STPG2: variants seen among roughly 807,000 people sequenced by gnomAD.
STPG2 encodes sperm tail PG-rich repeat containing 2.
Under a neutral mutation model 54.2 loss-of-function variants are expected in STPG2, and 56 were observed. That is an observed-to-expected ratio of 1.03 (90% CI 0.83 to 1.29). The LOEUF is 1.29. Ranked by LOEUF, STPG2 falls within the 50% of genes most tolerant of loss-of-function variation. The pLI is 0.00. For synonymous variants in STPG2, 200 were observed against 181.8 expected (o/e 1.10, Z -0.81); for missense variants, 596 against 544.9 (o/e 1.09, Z -0.93).
At chr4:97,447,480 G>T (rs532184047) in intron 4 of STPG2, among the ~76,000 whole-genome samples, 119 of 152,322 alleles carry the variant, frequency 7.8e-4, no homozygotes, top group African/African-American at 2.2e-3. Context: ...AGGGAAAAAT[G>T]GTTCTGTGGG....
chr4:97,500,050 A>G (rs1180405415), intron 4 of STPG2, among the ~76,000 whole-genome samples: 1 of 152,008 alleles, frequency 6.6e-6, no homozygotes, highest in Non-Finnish European at 1.5e-5. Flanking sequence ...GGCCATTCTG[A>G]CTATGGTCTC....
rs78973765 is a variant in STPG2, at chr4:97,503,494, G to A, written c.462+209205C>T. On this transcript the variant is annotated intron_variant, in intron 4 of 4. Transcript: ENST00000522676. ...AATATTCTAGTGTATTTCCTTATATGTGTTTAGTATTTTTTTTTTCTTGAC... is the reference window on the plus strand; with the variant it reads ...AATATTCTAGTGTATTTCCTTATATATGTTTAGTATTTTTTTTTTCTTGAC... Among the ~76,000 whole-genome samples the A allele has an allele frequency of 5.3e-3, 797 of 151,422 alleles. 6 individuals are homozygous for A. The highest frequency in any genetic ancestry group is 0.018 in the African/African-American group (757 of 41,268).
chr4:97,467,574 T>G lies in STPG2; in HGVS notation c.462+245125A>C, dbSNP rs1421539499. Among the ~76,000 whole-genome samples, 4 of 151,926 alleles carry G rather than the reference T, an allele frequency of 2.6e-5. No individual in the cohort carries two copies. The South Asian group carries it at 8.3e-4, about 31-fold the overall frequency. On this transcript the variant is annotated intron_variant, in intron 4 of 4. Transcript: ENST00000522676. The stretch of plus-strand genomic sequence containing the variant: ...TATGAACCACAAGGCACATTAATAA[T>G]AAAGTGATTCATAAAGCCTATTAAA...
intron 10 of STPG2, among the ~76,000 whole-genome samples, chr4:97,691,142 A>G (rs1267250542): frequency 2.0e-5 from 3 of 152,176 alleles, no homozygotes. Flanking sequence ...GGAAGCTATC[A>G]GGAAAACTGA....
At chr4:98,047,435 T>C (rs13118945) in intron 5 of STPG2, among the ~76,000 whole-genome samples, 1 of 151,378 alleles carries the variant, frequency 6.6e-6, no homozygotes. Context: ...AGCTTGGAAA[T>C]TGTGCAGGCA....
intron 4 of STPG2, among the ~76,000 whole-genome samples, chr4:97,474,981 C>A (rs896113781): frequency 1.3e-5 from 2 of 151,934 alleles, no homozygotes; most frequent in Non-Finnish European, 2.9e-5. Flanking sequence ...TTAATTCATA[C>A]AGCATTAATT....
chr4:97,636,399 A>C (rs1450892063), intron 10 of STPG2, among the ~76,000 whole-genome samples: 12 of 141,450 alleles, frequency 8.5e-5, no homozygotes, highest in African/African-American at 3.1e-4. Context: ...GGAAAGATCC[A>C]AAATTGACAC....
intron 9 of STPG2, among the ~76,000 whole-genome samples, chr4:97,820,734 A>C (rs998102469): frequency 6.6e-6 from 1 of 152,158 alleles, no homozygotes; most frequent in African/African-American, 2.4e-5. Flanking sequence ...TCATGGCAGA[A>C]GGTAAGCAAG....
In STPG2 at chr4:97,981,140, A is replaced by T. The variant is rs745500755; in HGVS notation, c.772+19T>A. ...CTTTATAAAGCCAAAGAGTAGACAT[A>T]TATAGATAAATTGCTAACCTGGCAT... On this transcript the variant is annotated intron_variant, in intron 6 of 10. Coordinates refer to ENST00000295268, the MANE Select transcript of STPG2 (RefSeq NM_174952.3). 6.2e-7 allele frequency: 1 copy of T among 1,612,244 alleles called. No homozygotes were observed. The highest frequency in any genetic ancestry group is 1.1e-5 in the South Asian group (1 of 90,864).
rs539166928 is a variant in STPG2 at position 98,125,485 on chromosome 4, C to T, written c.387+2943G>A. On this transcript the variant is annotated intron_variant, in intron 3 of 10. Transcript: ENST00000295268. Reference sequence around the variant, plus strand: ...CCTATTTGCCTAGGTCCCTCCCCCACCTGGAGGCATCACAAATGGGGGCTG... The same window carrying T: ...CCTATTTGCCTAGGTCCCTCCCCCATCTGGAGGCATCACAAATGGGGGCTG... Among the ~76,000 whole-genome samples the T allele has an allele frequency of 2.6e-5, 4 of 152,256 alleles. No individual in the cohort carries two copies. In the South Asian group the frequency reaches 6.2e-4, roughly 24 times the overall value.
At chr4:97,636,501 C>T (rs1367464048) in intron 10 of STPG2, among the ~76,000 whole-genome samples, 1 of 146,584 alleles carries the variant, frequency 6.8e-6, no homozygotes, top group East Asian at 2.0e-4. Flanking sequence ...CCGAGCAGAA[C>T]TGAAGGAAAT....
At chr4:97,941,546 T>C (rs895874204) in intron 8 of STPG2, among the ~76,000 whole-genome samples, 1 of 152,024 alleles carries the variant, frequency 6.6e-6, no homozygotes, top group African/African-American at 2.4e-5. Flanking sequence ...AATATTTCCC[T>C]GGGATGTTGT....
chr4:98,143,032 T>G lies in STPG2; in HGVS notation c.109+10A>C. 1 of 1,606,050 alleles carries G rather than the reference T, an allele frequency of 6.2e-7. No homozygotes were observed. Among genetic ancestry groups the G allele is most frequent in the Non-Finnish European group, 8.5e-7 (1 of 1,175,126 alleles). ...CTGTCACAGGAGCTCTGCCTCTTCCTACATCTTACCTGTCGCCTGCTGCTT... is the reference window on the plus strand; with the variant it reads ...CTGTCACAGGAGCTCTGCCTCTTCCGACATCTTACCTGTCGCCTGCTGCTT... On this transcript the variant is annotated intron_variant, in intron 1 of 10. Transcript: ENST00000295268.
Position 97,918,592 on chromosome 4 carries a change from T to G in STPG2, c.1044+25305A>C, listed in dbSNP as rs186503400. ...GTGTATGTGTATATGTATACACATA[T>G]ATATACACACACACATACACACCAT... On this transcript the variant is annotated intron_variant, in intron 8 of 10. Coordinates refer to ENST00000295268, the MANE Select transcript of STPG2 (RefSeq NM_174952.3). 2.6e-5 allele frequency among the ~76,000 whole-genome samples: 4 copies of G among 151,962 alleles called. No homozygotes were observed. The East Asian group carries it at 7.8e-4, about 29-fold the overall frequency.
chr4:97,672,153 T>C (rs190990825), intron 10 of STPG2, among the ~76,000 whole-genome samples: 75 of 142,180 alleles, frequency 5.3e-4, no homozygotes, highest in African/African-American at 1.8e-3. Context: ...ATTTTTCACA[T>C]AAACTGGTAA....
intron 9 of STPG2, among the ~76,000 whole-genome samples, chr4:97,777,761 C>A (rs1319255521): frequency 6.6e-6 from 1 of 152,078 alleles, no homozygotes; most frequent in African/African-American, 2.4e-5. Flanking sequence ...TACTTTGAGC[C>A]CTAATACTTG....
intron 9 of STPG2, among the ~76,000 whole-genome samples, chr4:97,761,681 G>A (rs888889715): frequency 6.6e-6 from 1 of 152,164 alleles, no homozygotes; most frequent in Non-Finnish European, 1.5e-5. Context: ...GCCTGCCATA[G>A]TCAGTGGGAG....
In STPG2 at chr4:97,943,951, G is replaced by C; in HGVS notation, c.990C>G (p.Asn330Lys). The change falls in exon 8 of 11, where the codon AAC becomes AAG. Residue 330 changes from asparagine (N) to lysine (K), a missense_variant. By Grantham distance (94) the Asn-to-Lys change is moderately conservative. Coordinates refer to ENST00000295268, the MANE Select transcript of STPG2 (RefSeq NM_174952.3). ...GISDELPNLT[N>K]KYAAFLSRAK... ...CTCTTGACAAGAAAGCAGCATATTT[G>C]TTAGTCAAGTTAGGTAATTCATCAG... The C allele has an allele frequency of 6.3e-7, 1 of 1,599,040 alleles. No homozygotes were observed. Among genetic ancestry groups the C allele is most frequent in the Non-Finnish European group, 8.5e-7 (1 of 1,175,564 alleles).
In STPG2 at chr4:97,767,934, A is replaced by G. The variant is rs189810839; in HGVS notation, c.1205-55120T>C. On this transcript the variant is annotated intron_variant, in intron 9 of 10. Transcript: ENST00000295268. ...TGTAATCCCAGCACTTTGGGAGGCCAAGGCGGGCAGATCACCAGGTCAGGA... is the reference window on the plus strand; with the variant it reads ...TGTAATCCCAGCACTTTGGGAGGCCGAGGCGGGCAGATCACCAGGTCAGGA... Among the ~76,000 whole-genome samples, 1,077 of 152,230 alleles carry G rather than the reference A, an allele frequency of 7.1e-3. 7 individuals carry two copies. The highest frequency in any genetic ancestry group is 0.019 in the Admixed American group (297 of 15,292).
Sources: allele counts gnomAD v4.1 joint callset (sites outside exome capture counted in the v4.1 genomes callset), GRCh38; gene constraint gnomAD v4.1.1; transcripts MANE v1.5; gene names NCBI Gene and HGNC (gene_info 2026-07-23, HGNC 2026-07-21).